Variants in ICAM2 observed in about 807,000 individuals in gnomAD.
ICAM2 encodes intercellular adhesion molecule 2, also known as ICAM-2.
ICAM2 carries 14 observed loss-of-function variants against 19.1 expected under a neutral mutation model. The ratio of observed to expected loss-of-function variants is 0.73; its 90% CI spans 0.48 to 1.15. The LOEUF (loss-of-function observed/expected upper bound fraction) is 1.15. ICAM2 is among the 50% of genes most tolerant of loss of function. ICAM2 has a pLI of 0.00. For missense variants in ICAM2, 311 were observed against 355.4 expected (o/e 0.88, Z 1.00); for synonymous variants, 153 against 152.7 (o/e 1.00, Z -0.01).
At chr17:64,014,614 AGG>A (rs752491289) in intron 1 of ICAM2, among the ~76,000 whole-genome samples, 6 of 138,042 alleles carry the variant, frequency 4.3e-5, no homozygotes, top group Admixed American at 7.1e-5. Flanking sequence ...GGAGGGAGGG[AGG>A]GAGAGAGAGA....
At chr17:64,009,447 A>G (rs1911354643) in intron 1 of ICAM2, among the ~76,000 whole-genome samples, 2 of 152,064 alleles carry the variant, frequency 1.3e-5, no homozygotes, top group African/African-American at 4.8e-5. Flanking sequence ...TTAGGCCTGC[A>G]CAAAGGTTTT....
At chr17:64,009,743 A>G (rs745384107) in intron 1 of ICAM2, among the ~76,000 whole-genome samples, 3 of 152,196 alleles carry the variant, frequency 2.0e-5, no homozygotes, top group Non-Finnish European at 4.4e-5. Flanking sequence ...CTATTGCCCC[A>G]GAATTATGCA....
chr17:64,003,448 C>T (rs1268859226), intron 4 of ICAM2, 196 bp downstream of exon 4: 24 of 603,438 alleles, frequency 4.0e-5, no homozygotes, highest in Middle Eastern at 8.8e-4. Flanking sequence ...TGACCTCTCC[C>T]GACCTCTGGA....
Position 64,003,887 on chromosome 17 carries a change from C to G in ICAM2, c.406G>C (p.Val136Leu). Residue 136 changes from valine to leucine, a missense_variant, in exon 4 of 5, where the codon GTG becomes CTG. By Grantham distance (32) the Val-to-Leu change is conservative. Transcript: ENST00000579788. The part of the protein sequence containing the change: ...VGKSFTIECR[V>L]PTVEPLDSLT... The stretch of plus-strand genomic sequence containing the variant: ...CTGTCCAGGGGCTCCACGGTGGGCA[C>G]CCTGCACTCAATGGTGAAGGACTTG... 6.2e-7 allele frequency: 1 copy of G among 1,614,184 alleles called. No individual in the cohort carries two copies. The highest frequency in any genetic ancestry group is 1.7e-5 in the Admixed American group (1 of 60,024).
Position 64,008,051 on chromosome 17 carries a change from C to T in ICAM2, c.-44-1316G>A, listed in dbSNP as rs75191771. Among the ~76,000 whole-genome samples the T allele has an allele frequency of 5.2e-3, 788 of 152,186 alleles. 10 individuals carry two copies. The highest frequency in any genetic ancestry group is 0.018 in the African/African-American group (731 of 41,532). Reference sequence around the variant, plus strand: ...TCAGGACTTTGGCCAAGCTCCATTCCGGGTTGGGAGGGCAGGGTGAGGTCC... The same window carrying T: ...TCAGGACTTTGGCCAAGCTCCATTCTGGGTTGGGAGGGCAGGGTGAGGTCC... On this transcript the variant is annotated intron_variant, in intron 1 of 4. Transcript: ENST00000579788.
intron 1 of ICAM2, among the ~76,000 whole-genome samples, chr17:64,009,399 A>G (rs1482150310): frequency 6.6e-5 from 10 of 152,062 alleles, no homozygotes; most frequent in Non-Finnish European, 1.5e-4. Context: ...AACAAGGCCA[A>G]TCATGGTACC....
At chr17:64,014,508 GGA>G (rs1228021356) in intron 1 of ICAM2, among the ~76,000 whole-genome samples, 16 of 127,180 alleles carry the variant, frequency 1.3e-4, no homozygotes, top group South Asian at 5.2e-4. Context: ...AGGAAGGAAG[GGA>G]GAGAGAGAGA....
intron 1 of ICAM2, among the ~76,000 whole-genome samples, chr17:64,014,623 GAGAGAA>G (rs1226657789): frequency 2.8e-5 from 4 of 143,232 alleles, no homozygotes; most frequent in Non-Finnish European, 4.6e-5. Context: ...GAGGGAGAGA[GAGAGAA>G]AGAAAGAAAG....
chr17:64,012,611 A>C (rs919543581), intron 1 of ICAM2, among the ~76,000 whole-genome samples: 2 of 152,330 alleles, frequency 1.3e-5, no homozygotes, highest in Admixed American at 1.3e-4. Flanking sequence ...AAAGAAAAAA[A>C]AATTATTAAA....
At chr17:64,019,326 A>C (rs1304939358) in intron 1 of ICAM2, among the ~76,000 whole-genome samples, 1 of 152,068 alleles carries the variant, frequency 6.6e-6, no homozygotes, top group African/African-American at 2.4e-5. Context: ...TCGAGGTTGT[A>C]GTGTGCTATG....
chr17:64,016,326 A>C (rs553622685), intron 1 of ICAM2, among the ~76,000 whole-genome samples: 1 of 152,334 alleles, frequency 6.6e-6, no homozygotes, highest in South Asian at 2.1e-4. Context: ...TCTGTGTCAT[A>C]TCACTTCTGC....
chr17:64,019,768 A>T (rs1281559081), intron 1 of ICAM2, among the ~76,000 whole-genome samples: 3 of 138,036 alleles, frequency 2.2e-5, no homozygotes, highest in Non-Finnish European at 4.6e-5. Context: ...GTGAGCCAAG[A>T]TTGTGCCACT....
intron 2 of ICAM2, 95 bp from the exon 3 acceptor site, chr17:64,005,468 G>A: frequency 7.2e-7 from 1 of 1,379,904 alleles, no homozygotes; most frequent in Non-Finnish European, 1.0e-6. Context: ...CCTGGGTCAG[G>A]GACTGAAGAG....
At chr17:64,015,457 G>A (rs1312348138) in intron 1 of ICAM2, among the ~76,000 whole-genome samples, 2 of 152,162 alleles carry the variant, frequency 1.3e-5, no homozygotes, top group African/African-American at 4.8e-5. Flanking sequence ...GTGGCTCACA[G>A]GTAATTCCAA....
chr17:64,010,554 A>AC (rs397691883), intron 1 of ICAM2, among the ~76,000 whole-genome samples: 2 of 151,280 alleles, frequency 1.3e-5, no homozygotes, highest in Admixed American at 6.6e-5. Flanking sequence ...AAAAAAAAAA[A>AC]CTATTAGAAT....
In ICAM2 at chr17:64,005,211, C is replaced by T; in HGVS notation, c.224G>A (p.Trp75Ter). The T allele has an allele frequency of 6.2e-7, 1 of 1,614,134 alleles. No homozygotes were observed. The highest frequency in any genetic ancestry group is 8.5e-7 in the Non-Finnish European group (1 of 1,180,012). Residue 75 changes from tryptophan (W) to a stop codon, truncating the protein, a stop_gained, in exon 3 of 5, where the codon TGG (tryptophan) becomes TAG (stop). Coordinates refer to ENST00000579788, the MANE Select transcript of ICAM2 (RefSeq NM_001099789.2). LOFTEE classifies it high-confidence loss of function. ...DKILLDEQAQ[W>*]KHYLVSNISH... ...GATGTTTGAGACCAAGTAATGTTTCCACTGAGCCTGTTCGTCCAGCAGAAT... is the reference window on the plus strand; with the variant it reads ...GATGTTTGAGACCAAGTAATGTTTCTACTGAGCCTGTTCGTCCAGCAGAAT...
rs1910997337 is a variant in ICAM2 at position 64,003,802 on chromosome 17, G to T, written c.491C>A (p.Ala164Glu). 2 of 1,614,142 alleles carry T rather than the reference G, an allele frequency of 1.2e-6. No individual in the cohort carries two copies. Among genetic ancestry groups the T allele is most frequent in the Non-Finnish European group, 8.5e-7 (1 of 1,180,058 alleles). Residue 164 changes from alanine to glutamate, a missense_variant, in exon 4 of 5, where the codon GCA (alanine) becomes GAA (glutamate). Ala to Glu is a moderately radical substitution (Grantham distance 107). Coordinates refer to ENST00000579788, the MANE Select transcript of ICAM2 (RefSeq NM_001099789.2). Reference protein sequence around the residue: ...ETLHYETFGKAAPAPQEATAT... With the variant: ...ETLHYETFGKEAPAPQEATAT... Reference sequence around the variant, plus strand: ...TGTGGCCTCCTGCGGAGCAGGGGCTGCCTTCCCGAAGGTCTCATAGTGCAG... The same window carrying T: ...TGTGGCCTCCTGCGGAGCAGGGGCTTCCTTCCCGAAGGTCTCATAGTGCAG...
intron 1 of ICAM2, among the ~76,000 whole-genome samples, chr17:64,014,371 GAAAGA>G (rs1567849313): frequency 1.8e-5 from 1 of 56,106 alleles, no homozygotes; most frequent in African/African-American, 6.0e-5. Context: ...AAGAAAGAAA[GAAAGA>G]AAGGAAGGAA....
intron 1 of ICAM2, among the ~76,000 whole-genome samples, chr17:64,007,500 G>A (rs1177336089): frequency 6.6e-6 from 1 of 152,134 alleles, no homozygotes. Context: ...GACCTCAGGT[G>A]ATCTGCCTGC....
Sources: allele counts gnomAD v4.1 joint callset (sites outside exome capture counted in the v4.1 genomes callset), GRCh38; gene constraint gnomAD v4.1.1; transcripts MANE v1.5; gene names NCBI Gene and HGNC (gene_info 2026-07-23, HGNC 2026-07-21).